Variants in PLD3 observed in about 807,000 individuals in gnomAD.
The protein encoded by PLD3 is 5'-3' exonuclease PLD3.
PLD3 carries 31 observed loss-of-function variants against 58.4 expected under a neutral mutation model. The observed-to-expected ratio is 0.53, with a 90% CI of 0.40 to 0.72. PLD3 has a LOEUF of 0.72. PLD3 is among the 30% of genes least tolerant of loss of function. PLD3 has a pLI of 0.00. For missense variants in PLD3, 595 were observed against 659.8 expected, an observed-to-expected ratio of 0.90 and a Z score of 1.08; for synonymous variants, 264 against 273.4, an observed-to-expected ratio of 0.97 and a Z score of 0.34.
chr19:40,358,044 A>T (rs957316321), intron 1 of PLD3: 1 of 152,240 alleles, frequency 6.6e-6, no homozygotes, highest in Non-Finnish European at 1.5e-5. Flanking sequence ...AACCATTCAG[A>T]GATCCCCCAG....
rs201252861 is a variant in PLD3, at chr19:40,371,730, A to C, written c.736A>C (p.Lys246Gln). 1 of 1,613,958 alleles carries C rather than the reference A, an allele frequency of 6.2e-7. No homozygotes were observed. The highest frequency in any genetic ancestry group is 2.2e-5 in the East Asian group (1 of 44,880). Residue 246 changes from lysine to glutamine, a missense_variant, in exon 9 of 13, where the codon AAG (lysine) becomes CAG (glutamine). Lys to Gln is a moderately conservative substitution (Grantham distance 53, BLOSUM62 1). Transcript: ENST00000409735. ...NCSCLARDLT[K>Q]IFEAYWFLGQ... ...CAGCTGCCTGGCTCGAGACCTGACC[A>C]AGATCTTTGAGGCCTACTGGTTCCT...
At position 40,370,247 on chromosome 19, in the gene PLD3, C is replaced by T. The variant is rs534818213; in HGVS notation, c.678+10C>T. ...GCGTTCACTGACCCAGGTCTGTCTG[C>T]ACCCTGTCTACCTTCCTTCCAGGCC... On this transcript the variant is annotated intron_variant, in intron 8 of 12. Transcript: ENST00000409735. 23 of 1,608,900 alleles carry T rather than the reference C, an allele frequency of 1.4e-5. No individual in the cohort carries two copies. The Admixed American group carries it at 2.9e-4, about 20-fold the overall frequency.
At chr19:40,353,602 G>A (rs2078573947) in intron 1 of PLD3, among the ~76,000 whole-genome samples, 1 of 151,688 alleles carries the variant, frequency 6.6e-6, no homozygotes, top group African/African-American at 2.4e-5. Context: ...TATTTGAGAT[G>A]GAGTCTTGCT....
chr19:40,361,946 C>T (rs1315640195), intron 1 of PLD3, among the ~76,000 whole-genome samples: 1 of 152,102 alleles, frequency 6.6e-6, no homozygotes, highest in Non-Finnish European at 1.5e-5. Flanking sequence ...AAGCAATTCG[C>T]CCACCTCAGC....
Position 40,366,667 on chromosome 19 carries a change from T to TG in PLD3, c.87dup (p.Lys30GlufsTer50). ...GCTGCCCATGAATGAGATTGAGGCG[T>TG]GGAAGGCTGCGGAAAAGGTAGGAGC... is the stretch of plus-strand genomic sequence containing the variant. On this transcript the variant is annotated frameshift_variant, in exon 4 of 13. Transcript: ENST00000409735. LOFTEE classifies it high-confidence loss of function. The TG allele has an allele frequency of 6.2e-7, 1 of 1,603,402 alleles. No homozygotes were observed. Among genetic ancestry groups the TG allele is most frequent in the Non-Finnish European group, 8.5e-7 (1 of 1,173,382 alleles).
At chr19:40,361,376 G>A (rs2078779070) in intron 1 of PLD3, among the ~76,000 whole-genome samples, 1 of 152,160 alleles carries the variant, frequency 6.6e-6, no homozygotes, top group Non-Finnish European at 1.5e-5. Flanking sequence ...CTCCCAAAGT[G>A]CTGGGATTAC....
chr19:40,354,039 G>GCAT (rs1166483944), intron 1 of PLD3, among the ~76,000 whole-genome samples: 4 of 148,720 alleles, frequency 2.7e-5, no homozygotes, highest in African/African-American at 5.0e-5. Flanking sequence ...GGCTACAGGC[G>GCAT]CATACCACCA....
At chr19:40,377,560 G>A (rs2079265011) in intron 11 of PLD3, among the ~76,000 whole-genome samples, 1 of 152,004 alleles carries the variant, frequency 6.6e-6, no homozygotes, top group Admixed American at 6.6e-5. Context: ...GAATGAACAG[G>A]AGCCATTCTG....
In PLD3 at chr19:40,370,204, C is replaced by T. The variant is rs1237100326; in HGVS notation, c.645C>T (p.Gly215=). 1 of 1,614,044 alleles carries T rather than the reference C, an allele frequency of 6.2e-7. No homozygotes were observed. Among genetic ancestry groups the T allele is most frequent in the Non-Finnish European group, 8.5e-7 (1 of 1,179,980 alleles). The change falls in exon 8 of 13, where the codon GGC becomes GGT. Residue 215 remains glycine (G), a synonymous_variant. Coordinates refer to ENST00000409735, the MANE Select transcript of PLD3 (RefSeq NM_012268.4). ...TGGACCAGACCCACTTCTACCTGGG[C>T]AGTGCCAACATGGACTGGCGTTCAC... is the stretch of plus-strand genomic sequence containing the variant. ...WVVDQTHFYL[G]SANMDWRSLT... is the part of the protein sequence containing the mutation.
intron 4 of PLD3, 34 bp from the exon 5 acceptor site, chr19:40,366,739 C>G: frequency 6.2e-7 from 1 of 1,613,938 alleles, no homozygotes; most frequent in Non-Finnish European, 8.5e-7. Flanking sequence ...GGCTGCCCCC[C>G]TCGGGCTGGC....
At chr19:40,366,950 GC>G (rs1382404885) in intron 5 of PLD3, 35 bp downstream of exon 5, 2 of 1,569,030 alleles carry the variant, frequency 1.3e-6, no homozygotes, top group Non-Finnish European at 8.6e-7. Context: ...TGGGGGAGGG[GC>G]CTGCCAGACC....
rs1447743557 is a variant in PLD3, at chr19:40,354,072, T to C, written c.-279+5304T>C. Among the ~76,000 whole-genome samples, 332 of 66,212 alleles carry C rather than the reference T, an allele frequency of 5.0e-3. 1 individual carries two copies. Among genetic ancestry groups the C allele is most frequent in the South Asian group, 0.032 (33 of 1,042 alleles). 43.4% of individuals were successfully genotyped at this position (66,212 alleles called of 152,430 possible). A position where few individuals can be genotyped will look rare whatever the true frequency, so the allele number is the denominator to read the frequency against. Reference sequence around the variant, plus strand: ...CCATCCCCAGCTATTTTTTAGCCTTTTTTTTTTTTTTTTTTTTTTGAGACA... The same window carrying C: ...CCATCCCCAGCTATTTTTTAGCCTTCTTTTTTTTTTTTTTTTTTTGAGACA... On this transcript the variant is annotated intron_variant, in intron 1 of 12. Transcript: ENST00000409735.
Position 40,367,251 on chromosome 19 carries a change from G to A in PLD3, c.245+336G>A, listed in dbSNP as rs569556893. On this transcript the variant is annotated intron_variant, in intron 5 of 12. Transcript: ENST00000409735. Reference sequence around the variant, plus strand: ...CCAGGCACGCATTCAAATACACACAGTTTTAAAAAATTTTTTTTAAAAGAA... The same window carrying A: ...CCAGGCACGCATTCAAATACACACAATTTTAAAAAATTTTTTTTAAAAGAA... 5.2e-5 allele frequency: 15 copies of A among 286,486 alleles called. No individual in the cohort carries two copies. The South Asian group carries it at 1.7e-3, about 33-fold the overall frequency. 17.7% of individuals were successfully genotyped at this position (286,486 alleles called of 1,614,324 possible).
Position 40,371,843 on chromosome 19 carries a change from C to T in PLD3, c.849C>T (p.Leu283=), listed in dbSNP as rs1388817289. 15 of 1,614,100 alleles carry T rather than the reference C, an allele frequency of 9.3e-6. No homozygotes were observed. Among genetic ancestry groups the T allele is most frequent in the Non-Finnish European group, 1.3e-5 (15 of 1,180,026 alleles). ...YNQETPMEIC[L]NGTPALAYLA... is the part of the protein sequence containing the mutation. The stretch of plus-strand genomic sequence containing the variant: ...AAGAGACACCAATGGAGATCTGCCT[C>T]AATGGAACCCCTGCTCTGGCCTACC... The change falls in exon 9 of 13, where the codon CTC becomes CTT. Residue 283 remains leucine, a synonymous_variant. Transcript: ENST00000409735.
chr19:40,367,897 C>T lies in PLD3; in HGVS notation c.429+18C>T. 6.6e-7 allele frequency: 1 copy of T among 1,522,898 alleles called. No individual in the cohort carries two copies. Among genetic ancestry groups the T allele is most frequent in the Non-Finnish European group, 8.8e-7 (1 of 1,134,202 alleles). The allele number at this position is 1,522,898 out of a possible 1,614,324, so 94.3% of individuals were successfully genotyped here. A position where few individuals can be genotyped will look rare whatever the true frequency, so the allele number is the denominator to read the frequency against. ...CCCAGCAGGTACCTGCAACCTTGGC[C>T]CTGGCCGGCAGCAGGGGCAGGGGGT... On this transcript the variant is annotated intron_variant, in intron 6 of 12. Coordinates refer to ENST00000409735, the MANE Select transcript of PLD3 (RefSeq NM_012268.4).
intron 1 of PLD3, chr19:40,360,579 T>A (rs1490445769): frequency 8.5e-6 from 1 of 117,938 alleles, no homozygotes; most frequent in Non-Finnish European, 1.7e-5. Flanking sequence ...AGACTCCGTC[T>A]TAAAAAAAAA....
chr19:40,362,824 A>G (rs2078820103), intron 1 of PLD3, among the ~76,000 whole-genome samples: 1 of 152,258 alleles, frequency 6.6e-6, no homozygotes, highest in South Asian at 2.1e-4. Flanking sequence ...AATTAAACTA[A>G]TCATTACAGA....
chr19:40,376,557 G>C, intron 10 of PLD3, 52 bp from the exon 11 acceptor site: 1 of 1,562,676 alleles, frequency 6.4e-7, no homozygotes, highest in Non-Finnish European at 8.7e-7. Flanking sequence ...CAAAGCCTGT[G>C]GACACAGCCG....
chr19:40,354,105 G>T (rs1167908179), intron 1 of PLD3, among the ~76,000 whole-genome samples: 2 of 125,798 alleles, frequency 1.6e-5, no homozygotes, highest in South Asian at 4.8e-4. Flanking sequence ...ACAGAGTCTC[G>T]CTCTGTTGCC....
Sources: allele counts gnomAD v4.1 joint callset (sites outside exome capture counted in the v4.1 genomes callset), GRCh38; gene constraint gnomAD v4.1.1; transcripts MANE v1.5; gene names NCBI Gene and HGNC (gene_info 2026-07-23, HGNC 2026-07-21).